UBE2E2: variants seen among roughly 807,000 people sequenced by gnomAD.
UBE2E2 encodes ubiquitin-conjugating enzyme E2 E2.
UBE2E2 carries 6 observed loss-of-function variants against 24.7 expected under a neutral mutation model. That is an observed-to-expected ratio of 0.24 (90% CI 0.13 to 0.48). The LOEUF (loss-of-function observed/expected upper bound fraction) is 0.48. Ranked by LOEUF, UBE2E2 falls within the 20% of genes least tolerant of loss-of-function variation. The probability of loss-of-function intolerance (pLI) is 0.99; values close to 1 mark genes in which losing one functional copy is unlikely to be tolerated. For missense variants in UBE2E2, 169 were observed against 245.0 expected (o/e 0.69, Z 2.07); for synonymous variants, 104 against 83.6 (o/e 1.24, Z -1.33).
intron 4 of UBE2E2, among the ~76,000 whole-genome samples, chr3:23,528,954 T>C (rs1695061535): frequency 6.6e-6 from 1 of 152,194 alleles, no homozygotes; most frequent in Non-Finnish European, 1.5e-5. Context: ...CGTGGAATAC[T>C]ACTCATCAGT....
intron 3 of UBE2E2, among the ~76,000 whole-genome samples, chr3:23,349,280 A>G (rs925916960): frequency 6.6e-6 from 1 of 152,236 alleles, no homozygotes; most frequent in Non-Finnish European, 1.5e-5. Flanking sequence ...GAACAGCTCC[A>G]GTCTACAGCT....
chr3:23,291,945 A>G (rs535767707), intron 3 of UBE2E2, among the ~76,000 whole-genome samples: 40 of 134,064 alleles, frequency 3.0e-4, no homozygotes, highest in Non-Finnish European at 4.9e-4. Context: ...TGCAGGCTCC[A>G]CCTCCTGGGT....
intron 5 of UBE2E2, among the ~76,000 whole-genome samples, chr3:23,568,694 C>CAT (rs1374547654): frequency 3.0e-5 from 4 of 132,768 alleles, no homozygotes; most frequent in East Asian, 2.1e-4. Context: ...CATATATACA[C>CAT]ACATATATAT....
intron 3 of UBE2E2, among the ~76,000 whole-genome samples, chr3:23,402,749 C>T (rs928285391): frequency 6.6e-6 from 1 of 151,994 alleles, no homozygotes; most frequent in Non-Finnish European, 1.5e-5. Context: ...AGTACAAAGT[C>T]TCATTTTTAT....
intron 3 of UBE2E2, chr3:23,271,067 C>T (rs973143374): frequency 8.8e-6 from 4 of 454,498 alleles, no homozygotes; most frequent in African/African-American, 4.0e-5. Flanking sequence ...ACACTAGGCA[C>T]CCAAAAAGTT....
At chr3:23,315,298 G>A (rs894244124) in intron 3 of UBE2E2, among the ~76,000 whole-genome samples, 1 of 118,230 alleles carries the variant, frequency 8.5e-6, no homozygotes, top group African/African-American at 3.6e-5. Flanking sequence ...TTCTAGGTGT[G>A]CTTCATTTTT....
At chr3:23,459,739 G>A (rs1396211959) in intron 3 of UBE2E2, among the ~76,000 whole-genome samples, 1 of 152,130 alleles carries the variant, frequency 6.6e-6, no homozygotes, top group Non-Finnish European at 1.5e-5. Context: ...TCCACCAGCT[G>A]GTGTAGAGAG....
intron 3 of UBE2E2, among the ~76,000 whole-genome samples, chr3:23,345,079 C>T (rs1695511613): frequency 6.6e-6 from 1 of 152,164 alleles, no homozygotes; most frequent in African/African-American, 2.4e-5. Context: ...GTCAGTACAG[C>T]TGCACTTATT....
intron 3 of UBE2E2, among the ~76,000 whole-genome samples, chr3:23,330,991 T>C (rs1695044347): frequency 6.6e-6 from 1 of 152,232 alleles, no homozygotes; most frequent in Admixed American, 6.5e-5. Context: ...CTATTCTTGC[T>C]TTTTTCTTTT....
intron 3 of UBE2E2, among the ~76,000 whole-genome samples, chr3:23,287,318 G>C (rs1003540393): frequency 1.3e-5 from 2 of 152,046 alleles, no homozygotes; most frequent in African/African-American, 4.8e-5. Context: ...TGTTGAATTT[G>C]GTTCGCTAGT....
At chr3:23,559,593 A>G (rs1447494790) in intron 5 of UBE2E2, among the ~76,000 whole-genome samples, 1 of 152,214 alleles carries the variant, frequency 6.6e-6, no homozygotes, top group East Asian at 1.9e-4. Context: ...TCCTGCCGTG[A>G]GCAGCTTATC....
intron 3 of UBE2E2, among the ~76,000 whole-genome samples, chr3:23,362,423 G>T (rs1413013255): frequency 6.6e-6 from 1 of 152,158 alleles, no homozygotes; most frequent in African/African-American, 2.4e-5. Flanking sequence ...ACCAACACTG[G>T]CACCATAGCA....
In UBE2E2 at chr3:23,458,542, C is replaced by T. The variant is rs578220433; in HGVS notation, c.228-41066C>T. Among the ~76,000 whole-genome samples the T allele has an allele frequency of 6.1e-4, 92 of 151,982 alleles. 1 individual carries two copies. Among genetic ancestry groups the T allele is most frequent in the Non-Finnish European group, 1.0e-3 (71 of 68,008 alleles). On this transcript the variant is annotated intron_variant, in intron 3 of 5. Coordinates refer to ENST00000396703, the MANE Select transcript of UBE2E2 (RefSeq NM_152653.4). ...ACACCATGCTCCTGCCTCAGCCTCC[C>T]GAGTAGCTGGGACCACAGGCGCCCA...
chr3:23,425,588 A>G (rs373806989), intron 3 of UBE2E2, among the ~76,000 whole-genome samples: 52 of 152,306 alleles, frequency 3.4e-4, no homozygotes, highest in African/African-American at 1.1e-3. Context: ...GATTGAAGAG[A>G]CAGGCAAATA....
At chr3:23,260,538 G>A (rs1697867478) in intron 3 of UBE2E2, among the ~76,000 whole-genome samples, 1 of 152,110 alleles carries the variant, frequency 6.6e-6, no homozygotes, top group Non-Finnish European at 1.5e-5. Context: ...CTTATGGCCT[G>A]TACATGGTTT....
chr3:23,560,235 G>A (rs1439622337), intron 5 of UBE2E2, among the ~76,000 whole-genome samples: 1 of 84,202 alleles, frequency 1.2e-5, no homozygotes, highest in South Asian at 3.9e-4. Context: ...CCCCACAACA[G>A]GCCCCGGTGT....
At chr3:23,467,068 CA>C (rs1353856837) in intron 3 of UBE2E2, among the ~76,000 whole-genome samples, 1 of 151,894 alleles carries the variant, frequency 6.6e-6, no homozygotes, top group African/African-American at 2.4e-5. Context: ...GTTTCTCCCC[CA>C]AAAAAGTAGG....
intron 5 of UBE2E2, among the ~76,000 whole-genome samples, chr3:23,560,907 A>G (rs990252232): frequency 6.6e-6 from 1 of 151,698 alleles, no homozygotes; most frequent in African/African-American, 2.4e-5. Context: ...CCACTTTTTG[A>G]TGGGGTTGTT....
chr3:23,303,740 TACA>T (rs66561852), intron 3 of UBE2E2, among the ~76,000 whole-genome samples: 4,997 of 152,284 alleles, frequency 0.033, 118 homozygotes, highest in Non-Finnish European at 0.055. Flanking sequence ...AACAAAGGTT[TACA>T]ACAAGTTACT....
Sources: allele counts gnomAD v4.1 joint callset (sites outside exome capture counted in the v4.1 genomes callset), GRCh38; gene constraint gnomAD v4.1.1; transcripts MANE v1.5; gene names NCBI Gene and HGNC (gene_info 2026-07-23, HGNC 2026-07-21).